Variants in NEB observed in about 807,000 individuals in gnomAD.
The protein encoded by NEB is nebulin, also known as nemaline myopathy type 2.
In NEB, 512 loss-of-function variants were observed where a neutral mutation model predicts 952.2. The observed-to-expected ratio is 0.54, with a 90% CI of 0.50 to 0.58. NEB has a LOEUF of 0.58. NEB is among the 20% of genes least tolerant of loss of function. The pLI is 0.00. For missense variants in NEB, 8,428 were observed against 9,231.1 expected (o/e 0.91, Z 3.56); for synonymous variants, 2,900 against 3,149.8 (o/e 0.92, Z 2.66).
At chr2:151,721,307 C>T (rs999230864) in intron 9 of NEB, among the ~76,000 whole-genome samples, 1 of 152,046 alleles carries the variant, frequency 6.6e-6, no homozygotes, top group Non-Finnish European at 1.5e-5. Flanking sequence ...TATTTATTAC[C>T]GTTCCATGTC....
At chr2:151,654,431 A>C (rs79395391) in intron 51 of NEB, among the ~76,000 whole-genome samples, 92 of 152,316 alleles carry the variant, frequency 6.0e-4, no homozygotes, top group African/African-American at 2.0e-3. Flanking sequence ...TACTATTTTG[A>C]AGATAGATAT....
At chr2:151,723,750 G>GTTTTTTTTTTTTTTTTTTTTT (rs11308757) in intron 8 of NEB, among the ~76,000 whole-genome samples, 4 of 51,364 alleles carry the variant, frequency 7.8e-5, no homozygotes, top group Non-Finnish European at 1.5e-4. Flanking sequence ...TGCCTTCTTT[G>GTTTTTTTTTTTTTTTTTTTTT]TTTTTTTTTT....
At chr2:151,509,430 T>C (rs144948242) in intron 161 of NEB, among the ~76,000 whole-genome samples, 1 of 152,312 alleles carries the variant, frequency 6.6e-6, no homozygotes, top group Non-Finnish European at 1.5e-5. Context: ...AAAAGCTACC[T>C]CAACTGGTTT....
chr2:151,655,087 G>T (rs932551688), intron 51 of NEB, among the ~76,000 whole-genome samples, 183 bp downstream of exon 51: 3 of 152,094 alleles, frequency 2.0e-5, no homozygotes, highest in African/African-American at 7.2e-5. Context: ...GCTCCACAAA[G>T]CATACAGTTG....
chr2:151,694,811 T>C (rs1031822123), intron 18 of NEB, among the ~76,000 whole-genome samples, 182 bp from the exon 19 acceptor site: 1 of 152,216 alleles, frequency 6.6e-6, no homozygotes. Flanking sequence ...TTCTCCAAGA[T>C]TGGGCTTCTC....
chr2:151,541,401 C>T (rs1177903003), intron 136 of NEB, 46 bp downstream of exon 136: 1 of 1,463,256 alleles, frequency 6.8e-7, no homozygotes, highest in Admixed American at 1.8e-5. Context: ...CATATAATCA[C>T]CCCCTGTGAT....
In NEB at chr2:151,493,811, C is replaced by T. The variant is rs770656983; in HGVS notation, c.24636G>A (p.Met8212Ile). ...KATPTPFTPE[M>I]ERVKRNQENF... ...TTTCTTGATTGCGTTTCACTCTTTC[C>T]ATCTCAGGAGTAAAGGGTGTGGGGG... The change falls in exon 175 of 182, where the codon ATG becomes ATA. Residue 8212 changes from methionine to isoleucine, a missense_variant. Transcript: ENST00000397345. 2.5e-6 allele frequency: 4 copies of T among 1,587,396 alleles called. No individual in the cohort carries two copies. The East Asian group carries it at 6.8e-5, about 27-fold the overall frequency.
chr2:151,540,338 GC>G lies in NEB; in HGVS notation c.20892+5del. On this transcript the variant is annotated splice_donor_5th_base_variant and intron_variant, in intron 138 of 181. Coordinates refer to ENST00000397345, the MANE Select transcript of NEB (RefSeq NM_001164508.2). The stretch of plus-strand genomic sequence containing the variant: ...ACAACAGAAGAAAAAAGGAAGGGAT[GC>G]ATACATCACTGGCATTCCAGTAAGC... 6.5e-7 allele frequency: 1 copy of G among 1,539,412 alleles called. No homozygotes were observed. The highest frequency in any genetic ancestry group is 8.9e-7 in the Non-Finnish European group (1 of 1,129,378).
rs867466866 is a variant in NEB, at chr2:151,494,112, A to G, written c.24579+49T>C. The G allele has an allele frequency of 1.0e-5, 15 of 1,479,444 alleles. 2 individuals are homozygous for G. In the African/African-American group the frequency reaches 1.3e-4, roughly 12 times the overall value. 91.6% of individuals were successfully genotyped at this position (1,479,444 alleles called of 1,614,324 possible). A position where few individuals can be genotyped will look rare whatever the true frequency, so the allele number is the denominator to read the frequency against. On this transcript the variant is annotated intron_variant, in intron 174 of 181. Transcript: ENST00000397345. ...CAGGGTTAGGAGCAGGCCAAACTGC[A>G]AGAGTTATTTTGCAAAATTAAAAGC...
chr2:151,549,583 G>T, intron 130 of NEB, 53 bp downstream of exon 130: 1 of 1,176,932 alleles, frequency 8.5e-7, no homozygotes, highest in Non-Finnish European at 1.2e-6. Context: ...ATTAATATGA[G>T]TCTCCTGCCA....
chr2:151,565,134 T>G lies in NEB; in HGVS notation c.18381A>C (p.Glu6127Asp). The G allele has an allele frequency of 6.4e-7, 1 of 1,556,600 alleles. No homozygotes were observed. The highest frequency in any genetic ancestry group is 8.8e-7 in the Non-Finnish European group (1 of 1,137,408). ...SVNQSDVKYK[E>D]TFNKAKGKYT... ...ATTTGCCCTTTGCTTTATTAAATGT[T>G]TCTTTATATTTTACCTAAGGAGAGA... is the stretch of plus-strand genomic sequence containing the variant. Residue 6127 changes from glutamate to aspartate, a missense_variant, in exon 117 of 182, where the codon GAA (glutamate) becomes GAC (aspartate). Physicochemically the swap from Glu to Asp is conservative, Grantham distance 45. This residue lies in a region of NEB where 3,374 missense variants were observed against 3,651.5 expected (regional missense o/e 0.92). Coordinates refer to ENST00000397345, the MANE Select transcript of NEB (RefSeq NM_001164508.2).
chr2:151,622,729 C>T (rs913512143), intron 71 of NEB, among the ~76,000 whole-genome samples: 1 of 152,132 alleles, frequency 6.6e-6, no homozygotes, highest in Non-Finnish European at 1.5e-5. Context: ...GTATCAGACT[C>T]AGGAAATTTA....
At chr2:151,656,517 G>A (rs754120353) in intron 48 of NEB, 53 bp from the exon 49 acceptor site, 53 of 1,188,430 alleles carry the variant, frequency 4.5e-5, no homozygotes, top group Non-Finnish European at 5.4e-5. Context: ...ACTAAAAATC[G>A]ATCTAGTGTC....
At chr2:151,526,596 G>T (rs1194977170) in intron 148 of NEB, among the ~76,000 whole-genome samples, 1 of 152,164 alleles carries the variant, frequency 6.6e-6, no homozygotes, top group East Asian at 1.9e-4. Context: ...GTAGTGAAGG[G>T]AAAGTATGAT....
intron 106 of NEB, 30 bp downstream of exon 106, chr2:151,576,121 T>C (rs2096821149): frequency 6.7e-7 from 1 of 1,501,122 alleles, no homozygotes; most frequent in Admixed American, 1.8e-5. Flanking sequence ...ATGGCATTAA[T>C]TCAATTTTAA....
Position 151,609,845 on chromosome 2 carries a change from A to T in NEB, c.12294T>A (p.Ile4098=), listed in dbSNP as rs1374243618. 6 of 1,601,186 alleles carry T rather than the reference A, an allele frequency of 3.7e-6. No homozygotes were observed. Among genetic ancestry groups the T allele is most frequent in the Admixed American group, 1.7e-5 (1 of 58,420 alleles). Residue 4098 remains isoleucine, a synonymous_variant, in exon 81 of 182, where the codon ATT becomes ATA. Transcript: ENST00000397345. ...GGTCATAGGCCTTTTTTGCTTGGAT[A>T]ATGTCGTTTTGATCCGGCATGCATG... is the stretch of plus-strand genomic sequence containing the variant. The part of the protein sequence containing the change: ...EWTCMPDQND[I]IQAKKAYDLQ...
rs898236519 is a variant in NEB at position 151,650,315 on chromosome 2, T to G, written c.7292A>C (p.Glu2431Ala). ...GIGWSPLGSL[E>A]AEKNKRASEI... ...CGAAGCCCGCTTGTTCTTTTCTGCC[T>G]CTAAAGAACCCAAGGGACTCCATCC... Residue 2431 changes from glutamate to alanine, a missense_variant, in exon 54 of 182, where the codon GAG becomes GCG. Glu to Ala is a moderately radical substitution (Grantham distance 107). Around this residue, in one of 11 missense-constraint regions of NEB, gnomAD observed 1,772 missense variants for 1,960.3 expected, o/e 0.90. Coordinates refer to ENST00000397345, the MANE Select transcript of NEB (RefSeq NM_001164508.2). The G allele has an allele frequency of 3.7e-6, 6 of 1,613,768 alleles. No homozygotes were observed. The African/African-American group carries it at 6.7e-5, about 18-fold the overall frequency.
At chr2:151,562,004 G>T in intron 121 of NEB, 106 bp downstream of exon 121, 2 of 837,766 alleles carry the variant, frequency 2.4e-6, no homozygotes, top group Non-Finnish European at 4.0e-6. Flanking sequence ...GTCAGTTAGA[G>T]CCTACACTGT....
At position 151,548,320 on chromosome 2, in the gene NEB, A is replaced by T; in HGVS notation, c.20145T>A (p.Asn6715Lys). 2 of 1,612,220 alleles carry T rather than the reference A, an allele frequency of 1.2e-6. No individual in the cohort carries two copies. Among genetic ancestry groups the T allele is most frequent in the Non-Finnish European group, 1.7e-6 (2 of 1,178,338 alleles). ...AGCATTCAGGTACCTCGCTGGTAAC[A>T]TTGTTGACTCTCCGGACGTGGACAA... ...VPFVHVRRVN[N>K]VTSERLYREL... The change falls in exon 131 of 182, where the codon AAT becomes AAA. Residue 6715 changes from asparagine to lysine, a missense_variant. Around this residue, in one of 11 missense-constraint regions of NEB, gnomAD observed 3,374 missense variants for 3,651.5 expected, o/e 0.92. Coordinates refer to ENST00000397345, the MANE Select transcript of NEB (RefSeq NM_001164508.2).
Sources: allele counts gnomAD v4.1 joint callset (sites outside exome capture counted in the v4.1 genomes callset), GRCh38; gene constraint gnomAD v4.1.1; regional missense constraint gnomAD v4.1.1; transcripts MANE v1.5; gene names NCBI Gene and HGNC (gene_info 2026-07-23, HGNC 2026-07-21).